NINJ2: variants seen among roughly 807,000 people sequenced by gnomAD.
NINJ2 encodes the protein ninjurin 2, also known as ninjurin-2.
Under a neutral mutation model 11.7 loss-of-function variants are expected in NINJ2, and 12 were observed. That is an observed-to-expected ratio of 1.02 (90% confidence interval 0.66 to 1.66). The LOEUF (loss-of-function observed/expected upper bound fraction) is 1.66, where lower values mean the gene tolerates loss of function less well. Among genes scored for constraint, NINJ2 ranks in the 40% most tolerant of loss-of-function variants. NINJ2 has a pLI of 0.00. For missense variants in NINJ2, 187 were observed against 181.8 expected (o/e 1.03, Z -0.16); for synonymous variants, 93 against 76.8 (o/e 1.21, Z -1.10).
rs1356426386 is a variant in NINJ2, at chr12:591,544, G to A, written c.34-25366C>T. On this transcript the variant is annotated intron_variant, in intron 1 of 3. Coordinates refer to ENST00000305108, the MANE Select transcript of NINJ2 (RefSeq NM_016533.6). The surrounding 1 kb of genome is among the most constrained non-coding windows in gnomAD (Gnocchi z 5.0). Reference sequence around the variant, plus strand: ...AGGGTTGGGGGCAACTCTGATTGCAGAAGCTCTCTGGATGGGCAGTGCTAG... The same window carrying A: ...AGGGTTGGGGGCAACTCTGATTGCAAAAGCTCTCTGGATGGGCAGTGCTAG... 6.6e-6 allele frequency among the ~76,000 whole-genome samples: 1 copy of A among 152,174 alleles called. No individual in the cohort carries two copies. Among genetic ancestry groups the A allele is most frequent in the Non-Finnish European group, 1.5e-5 (1 of 68,028 alleles).
intron 1 of NINJ2, among the ~76,000 whole-genome samples, chr12:577,430 C>CATATATATATGTGTGTAT (rs372597339): frequency 2.1e-5 from 2 of 94,000 alleles, no homozygotes; most frequent in Non-Finnish European, 4.9e-5. Flanking sequence ...TATATATATA[C>CATATATATATGTGTGTAT]ATATATATAT....
intron 1 of NINJ2, chr12:589,567 A>C (rs1413497585): frequency 6.6e-6 from 1 of 152,232 alleles, no homozygotes; most frequent in Non-Finnish European, 1.5e-5. Flanking sequence ...TGCTAGACAA[A>C]TTCTAGAAGA....
In NINJ2 at chr12:591,718, G is replaced by T. The variant is rs754266806; in HGVS notation, c.34-25540C>A. On this transcript the variant is annotated intron_variant, in intron 1 of 3. Transcript: ENST00000305108. This position sits in a 1 kb window ranked among gnomAD's most constrained non-coding sequence, Gnocchi z 5.0. The stretch of plus-strand genomic sequence containing the variant: ...TTCTCGCCCCAGGTCCCTTGGGCAC[G>T]TCTTATCTTATCGTGCAGCTGGGCT... 9.2e-5 allele frequency among the ~76,000 whole-genome samples: 14 copies of T among 152,194 alleles called. No homozygotes were observed. Among genetic ancestry groups the T allele is most frequent in the Admixed American group, 2.0e-4 (3 of 15,278 alleles).
intron 1 of NINJ2, among the ~76,000 whole-genome samples, chr12:622,514 A>G (rs997744828): frequency 2.0e-5 from 3 of 151,568 alleles, no homozygotes; most frequent in African/African-American, 7.3e-5. Context: ...TCAGGACTCT[A>G]TTTGTTTAAA....
chr12:574,554 G>A (rs988453282), intron 1 of NINJ2, among the ~76,000 whole-genome samples: 3 of 140,490 alleles, frequency 2.1e-5, no homozygotes, highest in East Asian at 2.0e-4. Flanking sequence ...AAAAAAAAAA[G>A]GTGAGCTTGG....
intron 1 of NINJ2, among the ~76,000 whole-genome samples, chr12:589,754 G>A (rs1291749430): frequency 2.0e-5 from 3 of 152,122 alleles, no homozygotes; most frequent in Non-Finnish European, 2.9e-5. Flanking sequence ...AGGCACTGAT[G>A]TCTCAGGCTG....
At chr12:659,401 G>A (rs1460102210) in intron 1 of NINJ2, among the ~76,000 whole-genome samples, 2 of 152,172 alleles carry the variant, frequency 1.3e-5, no homozygotes, top group East Asian at 1.9e-4. Flanking sequence ...GCCAGGCTAG[G>A]GGCTTAAACT....
rs1555162165 is a variant in NINJ2 at position 580,596 on chromosome 12, A to ATAT, written c.34-14419_34-14418insATA. 2.6e-5 allele frequency among the ~76,000 whole-genome samples: 2 copies of ATAT among 77,728 alleles called. No homozygotes were observed. Among genetic ancestry groups the ATAT allele is most frequent in the East Asian group, 5.7e-4 (2 of 3,538 alleles). The allele number at this position is 77,728 out of a possible 152,430, so 51.0% of individuals were successfully genotyped here. ...AGAGAGACCCTGTCTCAAAAAAAAA[A>ATAT]AAATATATATATATATATATCCATT... On this transcript the variant is annotated intron_variant, in intron 1 of 3. Transcript: ENST00000305108. The surrounding 1 kb of genome is among the most constrained non-coding windows in gnomAD (Gnocchi z 4.7).
chr12:597,479 T>C (rs1947803881), intron 1 of NINJ2, among the ~76,000 whole-genome samples: 1 of 152,192 alleles, frequency 6.6e-6, no homozygotes, highest in Non-Finnish European at 1.5e-5. Flanking sequence ...CAGGAGAACA[T>C]AGTCTGACAT....
At chr12:600,317 G>A (rs1947849642) in intron 1 of NINJ2, among the ~76,000 whole-genome samples, 5 of 152,174 alleles carry the variant, frequency 3.3e-5, no homozygotes, top group Admixed American at 2.6e-4. Flanking sequence ...ACTTTGGGAG[G>A]CCGAGGTGGC....
intron 2 of NINJ2, 32 bp downstream of exon 2, chr12:565,918 C>T: frequency 6.3e-7 from 1 of 1,598,298 alleles, no homozygotes; most frequent in Non-Finnish European, 8.6e-7. Context: ...GGTGCCGAGG[C>T]AGAAGGTCTG....
rs558491681 is a variant in NINJ2, at chr12:592,930, G to A, written c.34-26752C>T. Among the ~76,000 whole-genome samples, 14 of 152,218 alleles carry A rather than the reference G, an allele frequency of 9.2e-5. No homozygotes were observed. In the South Asian group the frequency reaches 2.9e-3, roughly 32 times the overall value. Reference sequence around the variant, plus strand: ...AAAATTAAGATAATTACAGAAATTTGTGAGTTACAAGGCTATCAGTAGATT... The same window carrying A: ...AAAATTAAGATAATTACAGAAATTTATGAGTTACAAGGCTATCAGTAGATT... On this transcript the variant is annotated intron_variant, in intron 1 of 3. Transcript: ENST00000305108.
At chr12:615,249 T>G (rs1378597809) in intron 1 of NINJ2, among the ~76,000 whole-genome samples, 1 of 152,190 alleles carries the variant, frequency 6.6e-6, no homozygotes, top group Non-Finnish European at 1.5e-5. Flanking sequence ...GGAGCATGAT[T>G]TTTTTAAATG....
At chr12:625,665 C>G (rs1025980188) in intron 1 of NINJ2, among the ~76,000 whole-genome samples, 1 of 152,114 alleles carries the variant, frequency 6.6e-6, no homozygotes, top group South Asian at 2.1e-4. Flanking sequence ...ATGGACGGTA[C>G]AGAAAGACAA....
intron 1 of NINJ2, chr12:589,532 T>C (rs2120867935): frequency 6.6e-6 from 1 of 152,362 alleles, no homozygotes; most frequent in South Asian, 2.1e-4. Context: ...CATGGGAGTT[T>C]GGTTTCAGTA....
chr12:626,898 C>A (rs1948216555), intron 1 of NINJ2, among the ~76,000 whole-genome samples: 2 of 152,056 alleles, frequency 1.3e-5, no homozygotes. Flanking sequence ...CCAGCCCGGG[C>A]AGCATAGTGA....
intron 1 of NINJ2, among the ~76,000 whole-genome samples, chr12:634,328 C>T (rs978739741): frequency 1.6e-5 from 2 of 125,084 alleles, no homozygotes; most frequent in African/African-American, 6.0e-5. Context: ...GGCACGATCT[C>T]GGCTCACTGC....
intron 3 of NINJ2, 111 bp downstream of exon 3, chr12:565,106 G>GC: frequency 1.2e-6 from 1 of 849,726 alleles, no homozygotes; most frequent in Non-Finnish European, 1.8e-6. Context: ...GGAGCTACAG[G>GC]CCTTCCCCCT....
chr12:597,848 A>G (rs1405718960), intron 1 of NINJ2, among the ~76,000 whole-genome samples: 1 of 152,244 alleles, frequency 6.6e-6, no homozygotes, highest in Non-Finnish European at 1.5e-5. Flanking sequence ...GGTCTGGGGC[A>G]TTGTTGCTTT....
Sources: gnomAD v4.1 joint callset for allele counts (sites outside exome capture counted in the v4.1 genomes callset) on GRCh38, gnomAD v4.1.1 for gene constraint, Gnocchi (gnomAD v3.1) non-coding constraint, MANE v1.5 for transcripts, NCBI Gene and HGNC (gene_info 2026-07-23, HGNC 2026-07-21) for gene names.